Variants in NONO observed in about 807,000 individuals in gnomAD.
The protein encoded by NONO is non-POU domain-containing octamer-binding protein.
NONO carries 6 observed loss-of-function variants against 40.2 expected under a neutral mutation model. That is an observed-to-expected ratio of 0.15 (90% CI 0.08 to 0.29). The LOEUF (loss-of-function observed/expected upper bound fraction) is 0.29. Ranked by LOEUF, NONO falls within the 10% of genes least tolerant of loss-of-function variation. NONO has a pLI of 1.00. For missense variants in NONO, 133 were observed against 397.8 expected (o/e 0.33, Z 5.66); for synonymous variants, 89 against 123.3 (o/e 0.72, Z 1.85).
chrX:71,285,382 A>G (rs2031166024), intron 2 of NONO, among the ~76,000 whole-genome samples: 1 of 111,877 alleles, frequency 8.9e-6, no homozygotes, highest in African/African-American at 3.3e-5. Flanking sequence ...ATTTGCCATG[A>G]AACTGCTACA....
At chrX:71,284,243 T>C (rs942963454) in intron 1 of NONO, 154 bp from the exon 2 acceptor site, 4 of 112,760 alleles carry the variant, frequency 3.5e-5, no homozygotes, top group African/African-American at 1.3e-4. Flanking sequence ...TATGCCCTTT[T>C]TCTAAAGTCC....
Position 71,296,546 on chromosome X carries a change from A to C in NONO, c.651-19A>C. On this transcript the variant is annotated intron_variant, in intron 5 of 11. Transcript: ENST00000276079. The stretch of plus-strand genomic sequence containing the variant: ...TGGGGTATGATTTGATTAACACTGA[A>C]CTTTGTTCTTTCTTCCAGATTTCCT... 1 of 1,135,430 alleles carries C rather than the reference A, an allele frequency of 8.8e-7. No homozygotes were observed. The highest frequency in any genetic ancestry group is 3.0e-5 in the East Asian group (1 of 33,451). The allele number at this position is 1,135,430 out of a possible 1,213,427, so 93.6% of individuals were successfully genotyped here. A position where few individuals can be genotyped will look rare whatever the true frequency, so the allele number is the denominator to read the frequency against.
chrX:71,299,806 T>G, intron 11 of NONO, 136 bp from the exon 12 acceptor site: 1 of 761,042 alleles, frequency 1.3e-6, no homozygotes, highest in Non-Finnish European at 1.9e-6. Flanking sequence ...CTAAACAGAC[T>G]TAGTCACCCA....
chrX:71,298,381 A>G (rs1023773529), intron 9 of NONO, 88 bp from the exon 10 acceptor site: 7 of 793,609 alleles, frequency 8.8e-6, no homozygotes, highest in East Asian at 6.3e-5. Flanking sequence ...TTATCACTCT[A>G]TCTACTTCCC....
intron 11 of NONO, among the ~76,000 whole-genome samples, chrX:71,299,728 G>C (rs2148041819): frequency 9.0e-6 from 1 of 111,376 alleles, no homozygotes; most frequent in African/African-American, 3.3e-5. Flanking sequence ...CGATTCTCCT[G>C]CCTCAGCCTC....
Position 71,297,888 on chromosome X carries a change from G to T in NONO, c.1081G>T (p.Glu361Ter). ...AGAAGAGATGCGGCGGCAGCAAGAA[G>T]AAATGATGCGGCGACAGCAGGAAGG... ...REEEMRRQQE[E>*]MMRRQQEGFK... Residue 361 changes from glutamate (E) to a stop codon, truncating the protein, a stop_gained, in exon 9 of 12, where the codon GAA becomes TAA. Transcript: ENST00000276079. LOFTEE classifies it high-confidence loss of function. 8.3e-7 allele frequency: 1 copy of T among 1,209,881 alleles called. No homozygotes were observed.
intron 2 of NONO, chrX:71,284,858 G>A (rs1257997250): frequency 8.9e-6 from 1 of 112,139 alleles, no homozygotes; most frequent in Non-Finnish European, 1.9e-5. Flanking sequence ...ATGCCCAGTG[G>A]TTAGAGTCTT....
At position 71,291,892 on chromosome X, in the gene NONO, A is replaced by G. The variant is rs1199398813; in HGVS notation, c.268A>G (p.Met90Val). Residue 90 changes from methionine to valine, a missense_variant, in exon 4 of 12, where the codon ATG (methionine) becomes GTG (valine). Met to Val is a conservative substitution (Grantham distance 21). This residue lies in a region of NONO where 32 missense variants were observed against 206.0 expected (regional missense o/e 0.16). Coordinates refer to ENST00000276079, the MANE Select transcript of NONO (RefSeq NM_007363.5). ...NLPPDITEEE[M>V]RKLFEKYGKA... ...TCCTCCCGACATCACTGAGGAAGAAATGAGGAAACTATTTGAGAAATATGG... is the reference window on the plus strand; with the variant it reads ...TCCTCCCGACATCACTGAGGAAGAAGTGAGGAAACTATTTGAGAAATATGG... 1 of 1,205,718 alleles carries G rather than the reference A, an allele frequency of 8.3e-7. No homozygotes were observed. Among genetic ancestry groups the G allele is most frequent in the Non-Finnish European group, 1.1e-6 (1 of 892,467 alleles).
At chrX:71,286,191 T>G (rs2031184774) in intron 2 of NONO, among the ~76,000 whole-genome samples, 1 of 112,034 alleles carries the variant, frequency 8.9e-6, no homozygotes, top group African/African-American at 3.2e-5. Flanking sequence ...TCTGATACCT[T>G]ATAACATTAA....
chrX:71,292,432 A>G (rs1222935159), intron 4 of NONO: 1 of 111,739 alleles, frequency 8.9e-6, no homozygotes, highest in Non-Finnish European at 1.9e-5. Flanking sequence ...TCCTGACCTC[A>G]GGAGATCCAC....
chrX:71,293,333 C>T (rs1292437198), intron 4 of NONO, among the ~76,000 whole-genome samples: 4 of 111,612 alleles, frequency 3.6e-5, no homozygotes, highest in African/African-American at 1.3e-4. Context: ...GTAATCCCAG[C>T]ACTTTTTGGG....
At chrX:71,298,047 C>T (rs1478804413) in intron 9 of NONO, 109 bp downstream of exon 9, 6 of 510,410 alleles carry the variant, frequency 1.2e-5, no homozygotes, top group Non-Finnish European at 2.0e-5. Flanking sequence ...GTGAAATAAC[C>T]CTTTAGAAAA....
intron 5 of NONO, among the ~76,000 whole-genome samples, chrX:71,295,170 C>T (rs1465563828): frequency 1.9e-5 from 2 of 103,163 alleles, no homozygotes; most frequent in African/African-American, 3.6e-5. Flanking sequence ...TGCAGTGAGC[C>T]GAGATTGTGC....
chrX:71,288,816 G>A (rs2031258472), intron 2 of NONO, among the ~76,000 whole-genome samples: 1 of 112,668 alleles, frequency 8.9e-6, no homozygotes, highest in South Asian at 3.6e-4. Flanking sequence ...TATTCTCATA[G>A]CCACTTTGAG....
At chrX:71,284,238 C>T (rs2031139954) in intron 1 of NONO, 159 bp from the exon 2 acceptor site, 1 of 112,586 alleles carries the variant, frequency 8.9e-6, no homozygotes. Context: ...TTCTGTATGC[C>T]CTTTTTCTAA....
chrX:71,285,191 G>GCTTCC (rs1449681464), intron 2 of NONO: 1 of 112,348 alleles, frequency 8.9e-6, no homozygotes, highest in African/African-American at 3.2e-5. Context: ...GCCAGGGGAA[G>GCTTCC]AGAGATGTTT....
At chrX:71,286,741 C>T (rs1342314515) in intron 2 of NONO, among the ~76,000 whole-genome samples, 6 of 111,854 alleles carry the variant, frequency 5.4e-5, no homozygotes, top group Non-Finnish European at 9.4e-5. Context: ...AAATTTAAGT[C>T]ATTTTTATTG....
chrX:71,296,185 C>T (rs1375702925), intron 5 of NONO, among the ~76,000 whole-genome samples: 3 of 103,402 alleles, frequency 2.9e-5, no homozygotes, highest in African/African-American at 3.6e-5. Flanking sequence ...CTCTGTAGCC[C>T]GGGCTAGAGT....
rs1466832653 is a variant in NONO, at chrX:71,295,619, C to T, written c.651-946C>T. 3.7e-5 allele frequency among the ~76,000 whole-genome samples: 4 copies of T among 109,561 alleles called. No individual in the cohort carries two copies. In the East Asian group the frequency reaches 8.6e-4, roughly 24 times the overall value. On this transcript the variant is annotated intron_variant, in intron 5 of 11. Transcript: ENST00000276079. The stretch of plus-strand genomic sequence containing the variant: ...CAGCCTGGCCAAGGTGGTGAAACCC[C>T]GTCTCTACTAAAAATACAAAAAGTA...
Sources: allele counts gnomAD v4.1 joint callset (sites outside exome capture counted in the v4.1 genomes callset), GRCh38; gene constraint gnomAD v4.1.1; regional missense constraint gnomAD v4.1.1; transcripts MANE v1.5; gene names NCBI Gene and HGNC (gene_info 2026-07-23, HGNC 2026-07-21).